CDX1: variants seen among roughly 807,000 people sequenced by gnomAD.
CDX1 encodes the protein caudal type homeobox 1.
Under a neutral mutation model 16.9 loss-of-function variants are expected in CDX1, and 9 were observed. The observed-to-expected ratio is 0.53, with a 90% CI of 0.32 to 0.93. The LOEUF (loss-of-function observed/expected upper bound fraction) is 0.93. Ranked by LOEUF, CDX1 falls within the 40% of genes least tolerant of loss-of-function variation. The pLI is 0.04. For synonymous variants in CDX1, 179 were observed against 179.0 expected, an observed-to-expected ratio of 1.00 and a Z score of 0.00; for missense variants, 393 against 386.1, an observed-to-expected ratio of 1.02 and a Z score of -0.15.
intron 1 of CDX1, among the ~76,000 whole-genome samples, chr5:150,167,819 A>G (rs997025036): frequency 6.6e-6 from 1 of 152,194 alleles, no homozygotes; most frequent in Non-Finnish European, 1.5e-5. Context: ...GCTGGGTCAT[A>G]TCCTTCAGGC....
intron 1 of CDX1, among the ~76,000 whole-genome samples, chr5:150,169,706 G>T (rs1761479443): frequency 6.6e-6 from 1 of 152,164 alleles, no homozygotes; most frequent in Non-Finnish European, 1.5e-5. Context: ...GCTGAAGGAG[G>T]ATCAGTGCAT....
rs548252405 is a variant in CDX1, at chr5:150,172,769, C to T, written c.445+5448C>T. Among the ~76,000 whole-genome samples the T allele has an allele frequency of 1.3e-5, 2 of 152,314 alleles. 1 individual carries two copies. The highest frequency in any genetic ancestry group is 4.1e-4 in the South Asian group (2 of 4,822). ...GATATAGCTGGGAAAGGGAATGACC[C>T]AGTTAGAAGGTGGCAGAAGGCTTTT... On this transcript the variant is annotated intron_variant, in intron 1 of 2. Coordinates refer to ENST00000231656, the MANE Select transcript of CDX1 (RefSeq NM_001804.3).
At chr5:150,178,711 C>T (rs1210181139) in intron 1 of CDX1, among the ~76,000 whole-genome samples, 1 of 152,206 alleles carries the variant, frequency 6.6e-6, no homozygotes, top group Non-Finnish European at 1.5e-5. Context: ...GCTTTCCAAC[C>T]TCCAGTGCCC....
Position 150,167,186 on chromosome 5 carries a change from C to T in CDX1, c.310C>T (p.Pro104Ser), listed in dbSNP as rs552110612. The T allele has an allele frequency of 4.6e-5, 59 of 1,270,000 alleles. No homozygotes were observed. The South Asian group carries it at 1.6e-3, about 34-fold the overall frequency. The allele number at this position is 1,270,000 out of a possible 1,614,324, so 78.7% of individuals were successfully genotyped here. A position where few individuals can be genotyped will look rare whatever the true frequency, so the allele number is the denominator to read the frequency against. Residue 104 changes from proline to serine, a missense_variant, in exon 1 of 3, where the codon CCC becomes TCC. By Grantham distance (74) the Pro-to-Ser change is moderately conservative (BLOSUM62 -1). Transcript: ENST00000231656. The part of the protein sequence containing the change: ...PPPDFSPVPA[P>S]PGPGPGLLAQ... ...TCCAGACTTTAGCCCGGTGCCGGCG[C>T]CCCCTGGGCCCGGCCCGGGCCTCCT...
Position 150,167,185 on chromosome 5 carries a change from G to A in CDX1, c.309G>A (p.Ala103=). 1 of 1,269,576 alleles carries A rather than the reference G, an allele frequency of 7.9e-7. No homozygotes were observed. Among genetic ancestry groups the A allele is most frequent in the South Asian group, 3.0e-5 (1 of 33,622 alleles). The allele number at this position is 1,269,576 out of a possible 1,614,324, so 78.6% of individuals were successfully genotyped here. A position where few individuals can be genotyped will look rare whatever the true frequency, so the allele number is the denominator to read the frequency against. ...CTCCAGACTTTAGCCCGGTGCCGGC[G>A]CCCCCTGGGCCCGGCCCGGGCCTCC... ...GPPPDFSPVP[A]PPGPGPGLLA... Residue 103 remains alanine, a synonymous_variant, in exon 1 of 3, where the codon GCG becomes GCA. Transcript: ENST00000231656.
In CDX1 at chr5:150,167,286, G is replaced by A. The variant is rs1761440968; in HGVS notation, c.410G>A (p.Arg137Gln). Residue 137 changes from arginine (R) to glutamine (Q), a missense_variant, in exon 1 of 3, where the codon CGG becomes CAG. Coordinates refer to ENST00000231656, the MANE Select transcript of CDX1 (RefSeq NM_001804.3). ...AQRPTPYEWM[R>Q]RSVAAGGGGG... ...AGGCCGACGCCCTACGAGTGGATGC[G>A]GCGCAGCGTGGCGGCCGGAGGCGGC... 1.6e-6 allele frequency: 2 copies of A among 1,263,210 alleles called. No homozygotes were observed. The highest frequency in any genetic ancestry group is 2.0e-6 in the Non-Finnish European group (2 of 1,009,602). 78.3% of individuals were successfully genotyped at this position (1,263,210 alleles called of 1,614,324 possible). A position where few individuals can be genotyped will look rare whatever the true frequency, so the allele number is the denominator to read the frequency against.
chr5:150,172,755 G>A (rs914483306), intron 1 of CDX1, among the ~76,000 whole-genome samples: 2 of 152,248 alleles, frequency 1.3e-5, no homozygotes, highest in Non-Finnish European at 2.9e-5. Context: ...ATATAGCTGG[G>A]AAAGGGAATG....
intron 1 of CDX1, among the ~76,000 whole-genome samples, chr5:150,175,430 G>T (rs1354727835): frequency 6.6e-6 from 1 of 152,214 alleles, no homozygotes; most frequent in African/African-American, 2.4e-5. Context: ...GGAGGAGGGT[G>T]CAGAGATGAT....
rs5872160 is a variant in CDX1, at chr5:150,174,776, C to CTTT, written c.445+7467_445+7469dup. Among the ~76,000 whole-genome samples, 6 of 142,710 alleles carry CTTT rather than the reference C, an allele frequency of 4.2e-5. No individual in the cohort carries two copies. The East Asian group carries it at 1.2e-3, about 29-fold the overall frequency. 93.6% of individuals were successfully genotyped at this position (142,710 alleles called of 152,430 possible). ...TCTTGCATTGAGGAATCTCTCCTGC[C>CTTT]TTTTTTTTTTTTTTCCTGAGATGGA... is the stretch of plus-strand genomic sequence containing the variant. On this transcript the variant is annotated intron_variant, in intron 1 of 2. Coordinates refer to ENST00000231656, the MANE Select transcript of CDX1 (RefSeq NM_001804.3).
Position 150,183,836 on chromosome 5 carries a change from T to A in CDX1, c.*156T>A. ...ACCCTCTGCATCCCCTTGGCCCATCTGTGCAGTAAGCCTGTTGGATAAAGA... is the reference window on the plus strand; with the variant it reads ...ACCCTCTGCATCCCCTTGGCCCATCAGTGCAGTAAGCCTGTTGGATAAAGA... On this transcript the variant is annotated 3_prime_UTR_variant, in exon 3 of 3. Coordinates refer to ENST00000231656, the MANE Select transcript of CDX1 (RefSeq NM_001804.3). 1.9e-6 allele frequency: 1 copy of A among 538,096 alleles called. No homozygotes were observed. Among genetic ancestry groups the A allele is most frequent in the Admixed American group, 3.3e-5 (1 of 30,120 alleles). The allele number at this position is 538,096 out of a possible 1,614,324, so 33.3% of individuals were successfully genotyped here.
intron 1 of CDX1, 76 bp from the exon 2 acceptor site, chr5:150,182,692 G>A (rs1200053874): frequency 7.1e-7 from 1 of 1,417,120 alleles, no homozygotes; most frequent in Non-Finnish European, 9.4e-7. Flanking sequence ...TCTTCCTCCT[G>A]GGGGTCCTGC....
chr5:150,182,673 C>G (rs985795898), intron 1 of CDX1, 95 bp from the exon 2 acceptor site: 38 of 1,251,116 alleles, frequency 3.0e-5, no homozygotes, highest in African/African-American at 2.8e-4. Flanking sequence ...CTTCAGGGAG[C>G]CTGGATTGTC....
rs1261497101 is a variant in CDX1, at chr5:150,183,908, G to A, written c.*228G>A. 1 of 383,984 alleles carries A rather than the reference G, an allele frequency of 2.6e-6. No individual in the cohort carries two copies. The highest frequency in any genetic ancestry group is 4.6e-6 in the Non-Finnish European group (1 of 216,224). The allele number at this position is 383,984 out of a possible 1,614,324, so 23.8% of individuals were successfully genotyped here. On this transcript the variant is annotated 3_prime_UTR_variant, in exon 3 of 3. Transcript: ENST00000231656. ...GACCTCTGGGGGATAAGGGAGTCCA[G>A]GGTGGATGATCTCAATCTCCCGTGG...
chr5:150,170,457 A>G (rs1761489784), intron 1 of CDX1, among the ~76,000 whole-genome samples: 2 of 152,224 alleles, frequency 1.3e-5, no homozygotes, highest in South Asian at 2.1e-4. Context: ...TAGGTGCTCA[A>G]TATATTTTGT....
rs796758451 is a variant in CDX1 at position 150,183,783 on chromosome 5, C to T, written c.*103C>T. 6.4e-5 allele frequency: 60 copies of T among 943,664 alleles called. No homozygotes were observed. In the African/African-American group the frequency reaches 9.9e-4, roughly 16 times the overall value. 58.5% of individuals were successfully genotyped at this position (943,664 alleles called of 1,614,324 possible). On this transcript the variant is annotated 3_prime_UTR_variant, in exon 3 of 3. Transcript: ENST00000231656. ...TGGTCCGAGTCTCAGCCCTGACCTT[C>T]TGGGACATGGTGGACAGTCACCTAT...
rs778497592 is a variant in CDX1 at position 150,166,990 on chromosome 5, GC to G, written c.119del (p.Pro40ArgfsTer159). ...ACGGCCCCCCGGCCCCGCCCCCGGC[GC>G]CCCCGCAGTACCCCGACTTCTCCAG... The part of the protein sequence containing the change: ...AYGPPAPPPA[P>X]PQYPDFSSYS... On this transcript the variant is annotated frameshift_variant, in exon 1 of 3. Coordinates refer to ENST00000231656, the MANE Select transcript of CDX1 (RefSeq NM_001804.3). LOFTEE classifies it high-confidence loss of function. The G allele has an allele frequency of 2.8e-6, 4 of 1,433,850 alleles. No homozygotes were observed. In the South Asian group the frequency reaches 5.6e-5, roughly 20 times the overall value. The allele number at this position is 1,433,850 out of a possible 1,614,324, so 88.8% of individuals were successfully genotyped here. A position where few individuals can be genotyped will look rare whatever the true frequency, so the allele number is the denominator to read the frequency against.
intron 1 of CDX1, 88 bp downstream of exon 1, chr5:150,167,409 C>G: frequency 1.0e-6 from 1 of 969,410 alleles, no homozygotes; most frequent in Non-Finnish European, 1.3e-6. Context: ...TCTGCTCCGG[C>G]CCTGCTCGGG....
Position 150,166,982 on chromosome 5 carries a change from C to G in CDX1, c.106C>G (p.Pro36Ala). 2 of 1,439,908 alleles carry G rather than the reference C, an allele frequency of 1.4e-6. No homozygotes were observed. Among genetic ancestry groups the G allele is most frequent in the African/African-American group, 1.5e-5 (1 of 66,858 alleles). The allele number at this position is 1,439,908 out of a possible 1,614,324, so 89.2% of individuals were successfully genotyped here. ...GPQAYGPPAP[P>A]PAPPQYPDFS... ...GCAAGCCTACGGCCCCCCGGCCCCG[C>G]CCCCGGCGCCCCCGCAGTACCCCGA... Residue 36 changes from proline to alanine, a missense_variant, in exon 1 of 3, where the codon CCC becomes GCC. Physicochemically the swap from Pro to Ala is conservative, Grantham distance 27. Coordinates refer to ENST00000231656, the MANE Select transcript of CDX1 (RefSeq NM_001804.3).
intron 1 of CDX1, among the ~76,000 whole-genome samples, chr5:150,179,596 A>G (rs1371839526): frequency 6.6e-6 from 1 of 152,086 alleles, no homozygotes; most frequent in African/African-American, 2.4e-5. Context: ...AAGAGGCAGG[A>G]GTGGGTGCTA....
Sources: gnomAD v4.1 joint callset for allele counts (sites outside exome capture counted in the v4.1 genomes callset) on GRCh38, gnomAD v4.1.1 for gene constraint, MANE v1.5 for transcripts, NCBI Gene and HGNC (gene_info 2026-07-23, HGNC 2026-07-21) for gene names.